Variants in PUDP observed in about 807,000 individuals in gnomAD.
PUDP encodes pseudouridine-5'-phosphatase.
A neutral mutation model predicts 9.4 loss-of-function variants in PUDP; 8 were observed. The observed-to-expected ratio is 0.85, with a 90% CI of 0.50 to 1.53. PUDP has a LOEUF of 1.53. Among genes scored for constraint, PUDP ranks in the 40% most tolerant of loss-of-function variants. The pLI is 0.00. For synonymous variants in PUDP, 99 were observed against 80.7 expected (o/e 1.23, Z -1.22); for missense variants, 188 against 189.7 (o/e 0.99, Z 0.05).
chrX:6,787,205 A>G (rs1167218914), intron 3 of PUDP, among the ~76,000 whole-genome samples: 1 of 111,952 alleles, frequency 8.9e-6, no homozygotes, highest in African/African-American at 3.2e-5. Context: ...GAATAGTCAG[A>G]ATCTTGAATA....
At chrX:6,954,451 C>T (rs762760811) in intron 3 of PUDP, among the ~76,000 whole-genome samples, 60 of 110,818 alleles carry the variant, frequency 5.4e-4, no homozygotes, top group Non-Finnish European at 9.4e-4. Flanking sequence ...CATACTGGCT[C>T]CTCTCGGCTT....
At chrX:6,933,320 C>A (rs1209167535) in intron 3 of PUDP, among the ~76,000 whole-genome samples, 2 of 111,181 alleles carry the variant, frequency 1.8e-5, no homozygotes, top group South Asian at 7.6e-4. Flanking sequence ...GCAGCATTCG[C>A]GGCTCACGAA....
At chrX:6,882,132 C>G (rs756515348) in intron 3 of PUDP, among the ~76,000 whole-genome samples, 2 of 110,299 alleles carry the variant, frequency 1.8e-5, no homozygotes, top group Non-Finnish European at 3.8e-5. Flanking sequence ...CACCACCACA[C>G]TCAGCTAATT....
At chrX:6,768,528 C>G (rs962652269) in intron 3 of PUDP, among the ~76,000 whole-genome samples, 10 of 111,484 alleles carry the variant, frequency 9.0e-5, no homozygotes, top group Admixed American at 7.7e-4. Flanking sequence ...ATATCATGCC[C>G]TTTGAATACT....
At chrX:6,777,220 A>C (rs1004950350) in intron 3 of PUDP, among the ~76,000 whole-genome samples, 13 of 112,120 alleles carry the variant, frequency 1.2e-4, no homozygotes, top group Non-Finnish European at 2.3e-4. Context: ...TTTTTAATTT[A>C]TCAGTCCTCA....
intron 3 of PUDP, among the ~76,000 whole-genome samples, chrX:6,924,369 A>C (rs940234315): frequency 2.7e-5 from 3 of 111,978 alleles, no homozygotes; most frequent in Non-Finnish European, 5.6e-5. Flanking sequence ...CTAATGAGAA[A>C]TAGAACGGGG....
chrX:7,012,608 C>G (rs145570292), intron 1 of PUDP, among the ~76,000 whole-genome samples: 2,682 of 111,395 alleles, frequency 0.024, 56 homozygotes, highest in African/African-American at 0.054. Context: ...TGTTCTCTCA[C>G]TGAGGGGACT....
intron 3 of PUDP, among the ~76,000 whole-genome samples, chrX:6,734,366 A>C (rs1412878896): frequency 1.8e-5 from 2 of 112,475 alleles, no homozygotes; most frequent in East Asian, 5.5e-4. Flanking sequence ...ACCAAAAATG[A>C]TAAGTAAATG....
chrX:6,963,505 C>T (rs189125789), intron 3 of PUDP, among the ~76,000 whole-genome samples: 3 of 111,667 alleles, frequency 2.7e-5, no homozygotes, highest in Admixed American at 9.5e-5. Context: ...TTATAGGACA[C>T]CTAGTGGGTA....
At chrX:7,042,736 T>C (rs1929938980) in intron 1 of PUDP, among the ~76,000 whole-genome samples, 1 of 111,641 alleles carries the variant, frequency 9.0e-6, no homozygotes, top group Non-Finnish European at 1.9e-5. Context: ...GAAACTGGAC[T>C]TCTACTGCTT....
At position 6,788,250 on chromosome X, in the gene PUDP, T is replaced by G. The variant is rs774750494; in HGVS notation, c.*248-81784A>C. Among the ~76,000 whole-genome samples, 9 of 112,458 alleles carry G rather than the reference T, an allele frequency of 8.0e-5. No homozygotes were observed. The South Asian group carries it at 3.3e-3, about 41-fold the overall frequency. ...GTCAACACTTTATTATAAAATAAGC[T>G]TTGTGCTAGATGATTATGTACAACT... On this transcript the variant is annotated intron_variant and NMD_transcript_variant, in intron 3 of 3. Transcript: ENST00000655425.
At chrX:7,102,256 G>A (rs940078980) in intron 2 of PUDP, among the ~76,000 whole-genome samples, 3 of 100,076 alleles carry the variant, frequency 3.0e-5, no homozygotes, top group Non-Finnish European at 6.0e-5. Context: ...AACAAGTGAA[G>A]TTTATTCCTG....
intron 1 of PUDP, among the ~76,000 whole-genome samples, chrX:7,001,175 T>C (rs1038275693): frequency 1.7e-4 from 19 of 110,387 alleles, no homozygotes; most frequent in Non-Finnish European, 1.5e-4. Flanking sequence ...AGAACATATA[T>C]TTTTTAGAAA....
At chrX:6,857,613 T>C (rs1371468830) in intron 3 of PUDP, among the ~76,000 whole-genome samples, 1 of 111,271 alleles carries the variant, frequency 9.0e-6, no homozygotes, top group Non-Finnish European at 1.9e-5. Context: ...TTTTTATTTT[T>C]TGTAGAGACA....
chrX:7,087,774 T>C (rs778848064), intron 2 of PUDP, among the ~76,000 whole-genome samples: 1 of 112,435 alleles, frequency 8.9e-6, no homozygotes, highest in African/African-American at 3.2e-5. Context: ...CCAGTTTACA[T>C]TTATTTGGTC....
intron 3 of PUDP, among the ~76,000 whole-genome samples, chrX:6,907,391 C>T (rs113830451): frequency 0.02 from 2,198 of 111,693 alleles, 49 homozygotes; most frequent in African/African-American, 0.069. Context: ...ACCGTAAGAA[C>T]GGACTAATAC....
intron 3 of PUDP, among the ~76,000 whole-genome samples, chrX:6,962,790 T>G (rs767395357): frequency 4.4e-5 from 5 of 112,823 alleles, no homozygotes; most frequent in Non-Finnish European, 9.4e-5. Context: ...AATCTAGAGT[T>G]TCAAATATAT....
At chrX:6,725,244 G>A (rs765401391), upstream of PUDP, among the ~76,000 whole-genome samples, 32 of 112,060 alleles carry the variant, frequency 2.9e-4, no homozygotes, top group Non-Finnish European at 5.8e-4. Context: ...ATATTGTCTT[G>A]TCTTGCATAT....
chrX:6,948,594 G>A (rs1928505098), intron 3 of PUDP, among the ~76,000 whole-genome samples: 1 of 112,127 alleles, frequency 8.9e-6, no homozygotes, highest in Non-Finnish European at 1.9e-5. Flanking sequence ...GCTCCCAGGT[G>A]AAGCCCACGC....
Sources: allele counts gnomAD v4.1 joint callset (sites outside exome capture counted in the v4.1 genomes callset), GRCh38; gene constraint gnomAD v4.1.1; transcripts MANE v1.5; gene names NCBI Gene and HGNC (gene_info 2026-07-23, HGNC 2026-07-21).